Variants in NEDD1 observed in about 807,000 individuals in gnomAD.
NEDD1 encodes protein NEDD1.
NEDD1 carries 33 observed loss-of-function variants against 74.0 expected under a neutral mutation model. That is an observed-to-expected ratio of 0.45 (90% confidence interval 0.34 to 0.60). The LOEUF (loss-of-function observed/expected upper bound fraction) is 0.60, where lower values mean the gene tolerates loss of function less well. Ranked by LOEUF, NEDD1 falls within the 20% of genes least tolerant of loss-of-function variation. The pLI, the probability that NEDD1 is intolerant of heterozygous loss-of-function variation, is 0.01. For missense variants in NEDD1, 746 were observed against 776.5 expected (o/e 0.96, Z 0.47); for synonymous variants, 250 against 264.4 (o/e 0.95, Z 0.53).
intron 5 of NEDD1, among the ~76,000 whole-genome samples, chr12:96,919,070 A>G (rs1000368850): frequency 4.6e-5 from 7 of 152,192 alleles, no homozygotes; most frequent in Non-Finnish European, 8.8e-5. Context: ...TTATTGAGAT[A>G]TGGCATCTTC....
At chr12:96,921,618 A>G (rs1875101067) in intron 6 of NEDD1, among the ~76,000 whole-genome samples, 1 of 152,030 alleles carries the variant, frequency 6.6e-6, no homozygotes, top group African/African-American at 2.4e-5. Context: ...ATTTTTAGAG[A>G]TGACAAAGAT....
chr12:96,912,787 A>G lies in NEDD1; in HGVS notation c.201A>G (p.Lys67=). Residue 67 remains lysine (K), a synonymous_variant, in exon 4 of 16, where the codon AAA becomes AAG. Coordinates refer to ENST00000266742, the MANE Select transcript of NEDD1 (RefSeq NM_152905.4). ...DKIVVSSCKC[K]PVPLLELAEG... is the part of the protein sequence containing the mutation. ...TAGTTGTCTCAAGTTGCAAATGTAA[A>G]CCTGTTCCACTTTTAGAGCTTGCTG... 1.0e-5 allele frequency: 16 copies of G among 1,606,030 alleles called. No homozygotes were observed. The highest frequency in any genetic ancestry group is 1.4e-5 in the Non-Finnish European group (16 of 1,174,310).
rs761529766 is a variant in NEDD1 at position 96,944,812 on chromosome 12, TC to T, written c.1654+19del. ...CAACTCCAAGTAAGTACATGAAACT[TC>T]CTGATGTTTGAAAGTGTTTGATTGA... On this transcript the variant is annotated intron_variant, in intron 13 of 15. Transcript: ENST00000266742. 1.3e-6 allele frequency: 2 copies of T among 1,508,740 alleles called. No homozygotes were observed. The highest frequency in any genetic ancestry group is 2.7e-5 in the South Asian group (2 of 75,016). 93.5% of individuals were successfully genotyped at this position (1,508,740 alleles called of 1,614,324 possible). A position where few individuals can be genotyped will look rare whatever the true frequency, so the allele number is the denominator to read the frequency against.
chr12:96,919,276 ATGGAATTGAGTCCTGGCCC>A (rs1874802942), intron 5 of NEDD1, among the ~76,000 whole-genome samples: 1 of 152,148 alleles, frequency 6.6e-6, no homozygotes, highest in African/African-American at 2.4e-5. Flanking sequence ...GGAGTTTGAC[ATGGAATTGAGTCCTGGCCC>A]TGTCACTTAG....
At chr12:96,907,332 C>G in intron 1 of NEDD1, 32 bp downstream of exon 1, 1 of 372,082 alleles carries the variant, frequency 2.7e-6, no homozygotes. Context: ...GGTCAGCGGG[C>G]CCCCGCCCGC....
chr12:96,907,657 A>T lies in NEDD1; in HGVS notation c.-208A>T. The T allele has an allele frequency of 6.4e-7, 1 of 1,550,960 alleles. No homozygotes were observed. The highest frequency in any genetic ancestry group is 8.7e-7 in the Non-Finnish European group (1 of 1,146,394). On this transcript the variant is annotated 5_prime_UTR_variant, in exon 2 of 16. Transcript: ENST00000266742. ...TCACTTGAGCTGTTGTCCTGCAAGT[A>T]AAGTGTATTTTTGGTGATTGAAAGT...
chr12:96,909,668 T>C, intron 2 of NEDD1, 84 bp from the exon 3 acceptor site: 1 of 1,084,494 alleles, frequency 9.2e-7, no homozygotes, highest in Admixed American at 2.3e-5. Flanking sequence ...TTAGAGCCAC[T>C]TGTTTTAGAT....
chr12:96,948,681 G>A (rs1486417146), intron 14 of NEDD1, among the ~76,000 whole-genome samples: 1 of 152,076 alleles, frequency 6.6e-6, no homozygotes, highest in East Asian at 1.9e-4. Context: ...GTTTCTTTTG[G>A]CAAGCAGATC....
intron 6 of NEDD1, among the ~76,000 whole-genome samples, chr12:96,922,409 TTG>T (rs1309811312): frequency 6.6e-6 from 1 of 152,180 alleles, no homozygotes; most frequent in Non-Finnish European, 1.5e-5. Flanking sequence ...CTTTCTTTTT[TTG>T]TGTGTGTTAG....
chr12:96,934,950 T>C, intron 6 of NEDD1, 26 bp from the exon 7 acceptor site: 1 of 1,383,558 alleles, frequency 7.2e-7, no homozygotes, highest in Non-Finnish European at 1.0e-6. Context: ...TATAATTACA[T>C]AAAATTTATT....
intron 6 of NEDD1, among the ~76,000 whole-genome samples, chr12:96,930,307 C>T (rs571915554): frequency 2.0e-5 from 3 of 151,922 alleles, no homozygotes; most frequent in Non-Finnish European, 4.4e-5. Flanking sequence ...TAGGAGAACT[C>T]ACAGGATTCT....
At chr12:96,917,078 T>C (rs1425852661) in intron 4 of NEDD1, among the ~76,000 whole-genome samples, 1 of 152,200 alleles carries the variant, frequency 6.6e-6, no homozygotes, top group Non-Finnish European at 1.5e-5. Context: ...GAAGTCAGGC[T>C]TTGATGACCT....
intron 6 of NEDD1, among the ~76,000 whole-genome samples, chr12:96,928,430 A>G (rs1875950960): frequency 6.6e-6 from 1 of 152,140 alleles, no homozygotes; most frequent in Admixed American, 6.5e-5. Flanking sequence ...CTTTGAGAGT[A>G]CAAGTTCTCT....
At chr12:96,946,501 A>G (rs1449808852) in intron 14 of NEDD1, among the ~76,000 whole-genome samples, 1 of 152,176 alleles carries the variant, frequency 6.6e-6, no homozygotes, top group African/African-American at 2.4e-5. Flanking sequence ...GTTGGAGAAA[A>G]TGTGCAGTTT....
intron 6 of NEDD1, among the ~76,000 whole-genome samples, chr12:96,920,410 A>G (rs564953943): frequency 6.6e-6 from 1 of 152,280 alleles, no homozygotes; most frequent in African/African-American, 2.4e-5. Flanking sequence ...AAAAATGGAT[A>G]TTAATCTTTC....
intron 10 of NEDD1, among the ~76,000 whole-genome samples, chr12:96,940,746 T>C (rs990582479): frequency 2.0e-5 from 3 of 152,108 alleles, no homozygotes; most frequent in African/African-American, 7.2e-5. Flanking sequence ...ATGGGAATTA[T>C]GCAAATAGCT....
chr12:96,929,893 G>T (rs1565798428), intron 6 of NEDD1, among the ~76,000 whole-genome samples: 3 of 152,096 alleles, frequency 2.0e-5, no homozygotes, highest in Non-Finnish European at 4.4e-5. Flanking sequence ...GACTGAGGTT[G>T]TAAAATTGGC....
chr12:96,936,606 C>T lies in NEDD1; in HGVS notation c.720-5C>T, dbSNP rs1877118518. On this transcript the variant is annotated splice_polypyrimidine_tract_variant and splice_region_variant and intron_variant, in intron 7 of 15. Transcript: ENST00000266742. Reference sequence around the variant, plus strand: ...TCTACACATACTTTGTTCTCCTTTCCAAAGGCTAGTGAAAACTTTAGTGGC... The same window carrying T: ...TCTACACATACTTTGTTCTCCTTTCTAAAGGCTAGTGAAAACTTTAGTGGC... 6.2e-7 allele frequency: 1 copy of T among 1,607,000 alleles called. No homozygotes were observed. Among genetic ancestry groups the T allele is most frequent in the Non-Finnish European group, 8.5e-7 (1 of 1,173,818 alleles).
At position 96,945,840 on chromosome 12, in the gene NEDD1, A is replaced by T. The variant is rs1276102827; in HGVS notation, c.1802A>T (p.Asp601Val). The T allele has an allele frequency of 6.2e-7, 1 of 1,608,202 alleles. No homozygotes were observed. The highest frequency in any genetic ancestry group is 8.5e-7 in the Non-Finnish European group (1 of 1,174,932). Residue 601 changes from aspartate to valine, a missense_variant, in exon 14 of 16, where the codon GAT (aspartate) becomes GTT (valine). This residue lies in a region of NEDD1 where 706 missense variants were observed against 706.7 expected (regional missense o/e 1.00). Coordinates refer to ENST00000266742, the MANE Select transcript of NEDD1 (RefSeq NM_152905.4). ...CAGAACATGATACAGGAAACGTTGG[A>T]TGACTTTAGGTAGTAATTGAGAAAC... ...FIQNMIQETLDDFREACHRDI... is the reference protein window; with the variant it reads ...FIQNMIQETLVDFREACHRDI...
Sources: allele counts gnomAD v4.1 joint callset (sites outside exome capture counted in the v4.1 genomes callset), GRCh38; gene constraint gnomAD v4.1.1; regional missense constraint gnomAD v4.1.1; transcripts MANE v1.5; gene names NCBI Gene and HGNC (gene_info 2026-07-23, HGNC 2026-07-21).